The following CSRNP3 variants were observed in gnomAD, a reference collection of about 807,000 sequenced individuals.
The protein encoded by CSRNP3 is cysteine and serine rich nuclear protein 3.
In CSRNP3, 12 loss-of-function variants were observed where a neutral mutation model predicts 48.0. That is an observed-to-expected ratio of 0.25 (90% CI 0.16 to 0.41). The LOEUF is 0.41. Among genes scored for constraint, CSRNP3 ranks in the 10% least tolerant of loss-of-function variants. The probability of loss-of-function intolerance (pLI) is 1.00; values close to 1 mark genes in which losing one functional copy is unlikely to be tolerated. For missense variants in CSRNP3, 580 were observed against 724.4 expected, an observed-to-expected ratio of 0.80 and a Z score of 2.29; for synonymous variants, 263 against 269.7, an observed-to-expected ratio of 0.98 and a Z score of 0.24.
chr2:165,583,642 T>C (rs2105285208), intron 3 of CSRNP3, among the ~76,000 whole-genome samples: 1 of 152,314 alleles, frequency 6.6e-6, no homozygotes, highest in South Asian at 2.1e-4. Flanking sequence ...AACTGGCACA[T>C]AGTAGATCTA....
intron 1 of CSRNP3, among the ~76,000 whole-genome samples, chr2:165,487,659 G>T (rs1247096959): frequency 1.4e-5 from 2 of 144,122 alleles, no homozygotes; most frequent in East Asian, 2.1e-4. Context: ...TTAAAGAAAA[G>T]AATTTTCAAC....
chr2:165,599,305 G>GAAAGAAAGAAAGAA (rs1432614475), intron 4 of CSRNP3, among the ~76,000 whole-genome samples: 2 of 147,782 alleles, frequency 1.4e-5, no homozygotes, highest in East Asian at 4.0e-4. Context: ...AAGAAAGAAA[G>GAAAGAAAGAAAGAA]AAAGAAAGAA....
At position 165,615,887 on chromosome 2, in the gene CSRNP3, G is replaced by GTT. The variant is rs1558951399; in HGVS notation, c.148+20674_148+20675insTT. Among the ~76,000 whole-genome samples the GTT allele has an allele frequency of 7.0e-3, 891 of 126,466 alleles. 21 individuals are homozygous for GTT. The highest frequency in any genetic ancestry group is 0.02 in the East Asian group (73 of 3,716). The allele number at this position is 126,466 out of a possible 152,430, so 83.0% of individuals were successfully genotyped here. ...CACCATATCTGGCTAATGTTTGTGGGGTTTTTTTTTTTTTTTTTTTTTTTT... is the reference window on the plus strand; with the variant it reads ...CACCATATCTGGCTAATGTTTGTGGGTTGTTTTTTTTTTTTTTTTTTTTTTTT... On this transcript the variant is annotated intron_variant, in intron 4 of 6. Coordinates refer to ENST00000651982, the MANE Select transcript of CSRNP3 (RefSeq NM_001172173.2).
intron 4 of CSRNP3, among the ~76,000 whole-genome samples, chr2:165,602,285 G>A (rs971256613): frequency 7.2e-5 from 11 of 152,060 alleles, no homozygotes; most frequent in African/African-American, 2.7e-4. Flanking sequence ...TTAGAGTCAA[G>A]GCCAAGCAGG....
intron 3 of CSRNP3, among the ~76,000 whole-genome samples, chr2:165,522,166 T>C (rs1684672165): frequency 6.6e-6 from 1 of 151,896 alleles, no homozygotes; most frequent in African/African-American, 2.4e-5. Context: ...GTGGTGTGTG[T>C]CTGTAGTCCC....
chr2:165,537,069 C>A (rs533555951), intron 3 of CSRNP3, among the ~76,000 whole-genome samples: 13 of 151,666 alleles, frequency 8.6e-5, no homozygotes, highest in African/African-American at 2.9e-4. Flanking sequence ...CCAAAAGAAC[C>A]ATCCACAGCA....
intron 4 of CSRNP3, among the ~76,000 whole-genome samples, chr2:165,603,581 G>A (rs1015894236): frequency 6.6e-6 from 1 of 151,366 alleles, no homozygotes; most frequent in Non-Finnish European, 1.5e-5. Context: ...AGCACTCACC[G>A]CTTGTCTTTA....
chr2:165,528,347 T>A (rs1036513446), intron 3 of CSRNP3, among the ~76,000 whole-genome samples: 1 of 152,236 alleles, frequency 6.6e-6, no homozygotes, highest in Non-Finnish European at 1.5e-5. Context: ...TGTCTATTTT[T>A]GCTTTTGTTG....
intron 2 of CSRNP3, among the ~76,000 whole-genome samples, chr2:165,511,548 C>T (rs1185320514): frequency 3.3e-5 from 5 of 152,010 alleles, no homozygotes; most frequent in African/African-American, 1.2e-4. Context: ...TGATTGAAGA[C>T]AGACTACATG....
intron 4 of CSRNP3, among the ~76,000 whole-genome samples, chr2:165,608,770 G>T (rs992632483): frequency 8.0e-5 from 10 of 125,642 alleles, no homozygotes; most frequent in Non-Finnish European, 1.3e-4. Context: ...CAGTCTGGTA[G>T]TTAAAAATGT....
At chr2:165,486,965 GAGA>G (rs1489495352) in intron 1 of CSRNP3, among the ~76,000 whole-genome samples, 4 of 105,320 alleles carry the variant, frequency 3.8e-5, no homozygotes, top group Non-Finnish European at 7.4e-5. Flanking sequence ...GACGAGCTGA[GAGA>G]AGAAGGCTTC....
chr2:165,549,956 G>A (rs1685077038), intron 3 of CSRNP3, among the ~76,000 whole-genome samples: 1 of 152,100 alleles, frequency 6.6e-6, no homozygotes. Context: ...CCTCACTGAG[G>A]AATTATAACA....
intron 6 of CSRNP3, among the ~76,000 whole-genome samples, chr2:165,677,400 A>C (rs1363959022): frequency 1.3e-5 from 2 of 152,272 alleles, no homozygotes; most frequent in Admixed American, 6.5e-5. Context: ...GATGACTGGC[A>C]ATCAGATAAT....
chr2:165,538,412 A>G (rs1684909931), intron 3 of CSRNP3, among the ~76,000 whole-genome samples: 1 of 151,880 alleles, frequency 6.6e-6, no homozygotes, highest in Non-Finnish European at 1.5e-5. Flanking sequence ...TCCTTCTTTG[A>G]AGATTATATC....
At chr2:165,634,155 A>G (rs1249159282) in intron 4 of CSRNP3, among the ~76,000 whole-genome samples, 1 of 152,170 alleles carries the variant, frequency 6.6e-6, no homozygotes, top group Non-Finnish European at 1.5e-5. Flanking sequence ...CCTGAGTCAC[A>G]TGGCAAAACC....
chr2:165,615,925 C>G (rs939328909), intron 4 of CSRNP3, among the ~76,000 whole-genome samples: 2 of 120,098 alleles, frequency 1.7e-5, no homozygotes, highest in Non-Finnish European at 3.3e-5. Flanking sequence ...CAGATTGGGT[C>G]TCACTATGTT....
intron 3 of CSRNP3, among the ~76,000 whole-genome samples, chr2:165,522,024 C>T (rs1406027818): frequency 2.6e-5 from 4 of 152,154 alleles, no homozygotes; most frequent in Non-Finnish European, 5.9e-5. Flanking sequence ...GGCATGGTGG[C>T]TCGTGCCTGT....
At chr2:165,487,670 C>G (rs1226037299) in intron 1 of CSRNP3, among the ~76,000 whole-genome samples, 2 of 143,494 alleles carry the variant, frequency 1.4e-5, no homozygotes, top group African/African-American at 2.6e-5. Flanking sequence ...AATTTTCAAC[C>G]CAGAATTTCA....
chr2:165,550,683 A>G (rs981505418), intron 3 of CSRNP3, among the ~76,000 whole-genome samples: 8 of 152,184 alleles, frequency 5.3e-5, no homozygotes, highest in African/African-American at 1.9e-4. Context: ...CTATATTTAG[A>G]GCAATGTAGG....
Sources: gnomAD v4.1 joint callset for allele counts (sites outside exome capture counted in the v4.1 genomes callset) on GRCh38, gnomAD v4.1.1 for gene constraint, MANE v1.5 for transcripts, NCBI Gene and HGNC (gene_info 2026-07-23, HGNC 2026-07-21) for gene names.